EPHA5: variants seen among roughly 807,000 people sequenced by gnomAD.
The protein encoded by EPHA5 is EPH receptor A5.
EPHA5 carries 60 observed loss-of-function variants against 105.0 expected under a neutral mutation model. That is an observed-to-expected ratio of 0.57 (90% CI 0.46 to 0.71). The LOEUF (loss-of-function observed/expected upper bound fraction) is 0.71. EPHA5 is among the 30% of genes least tolerant of loss of function. EPHA5 has a pLI of 0.00. For synonymous variants in EPHA5, 513 were observed against 449.1 expected, an observed-to-expected ratio of 1.14 and a Z score of -1.80; for missense variants, 1,218 against 1,274.7, an observed-to-expected ratio of 0.96 and a Z score of 0.68.
chr4:65,336,163 CA>C (rs755406272), intron 14 of EPHA5, 38 bp from the exon 15 acceptor site: 1 of 1,526,422 alleles, frequency 6.6e-7, no homozygotes, highest in South Asian at 1.2e-5. Context: ...CCCAACACCA[CA>C]AATTTAGTAT....
chr4:65,487,208 T>C (rs1363613208), intron 5 of EPHA5, among the ~76,000 whole-genome samples: 1 of 152,128 alleles, frequency 6.6e-6, no homozygotes, highest in Non-Finnish European at 1.5e-5. Flanking sequence ...ATACAAACAG[T>C]GAGAAAATTA....
At chr4:65,351,246 A>G in intron 13 of EPHA5, 143 bp downstream of exon 13, 2 of 690,788 alleles carry the variant, frequency 2.9e-6, no homozygotes, top group Non-Finnish European at 4.6e-6. Context: ...TTGACTTTTG[A>G]TTTTCTCTCT....
intron 3 of EPHA5, among the ~76,000 whole-genome samples, chr4:65,545,852 A>G (rs1327525514): frequency 6.6e-6 from 1 of 151,952 alleles, no homozygotes; most frequent in Non-Finnish European, 1.5e-5. Flanking sequence ...TCAGCAGTCC[A>G]ATGATGGTTG....
intron 5 of EPHA5, among the ~76,000 whole-genome samples, chr4:65,421,546 T>C (rs1414452223): frequency 1.3e-5 from 2 of 152,138 alleles, no homozygotes; most frequent in Non-Finnish European, 2.9e-5. Flanking sequence ...ACTACATATG[T>C]TTCATAACAC....
chr4:65,457,159 G>A (rs1025455961), intron 5 of EPHA5, among the ~76,000 whole-genome samples: 1 of 152,124 alleles, frequency 6.6e-6, no homozygotes, highest in African/African-American at 2.4e-5. Context: ...AAGAATGAGT[G>A]GGAGAAAAGG....
chr4:65,354,578 G>C (rs1723123821), intron 11 of EPHA5, among the ~76,000 whole-genome samples: 1 of 151,582 alleles, frequency 6.6e-6, no homozygotes, highest in African/African-American at 2.4e-5. Context: ...TTTATGAAGA[G>C]AAACAAATAC....
chr4:65,484,582 A>G (rs981657752), intron 5 of EPHA5, among the ~76,000 whole-genome samples: 2 of 152,184 alleles, frequency 1.3e-5, no homozygotes, highest in Non-Finnish European at 2.9e-5. Flanking sequence ...GCCTACATTC[A>G]AAACAATTAA....
chr4:65,379,276 T>TACAA (rs1553903768), intron 8 of EPHA5, among the ~76,000 whole-genome samples: 11 of 149,908 alleles, frequency 7.3e-5, no homozygotes, highest in African/African-American at 2.7e-4. Flanking sequence ...AGTATGCACA[T>TACAA]ACACACACAC....
At chr4:65,615,329 C>A (rs185940223) in intron 2 of EPHA5, among the ~76,000 whole-genome samples, 6 of 151,792 alleles carry the variant, frequency 4.0e-5, no homozygotes, top group South Asian at 4.1e-4. Context: ...GGGGTACATA[C>A]AAAAGTTCAT....
At chr4:65,651,034 C>A (rs1054552358) in intron 1 of EPHA5, among the ~76,000 whole-genome samples, 1 of 152,114 alleles carries the variant, frequency 6.6e-6, no homozygotes, top group East Asian at 1.9e-4. Flanking sequence ...TGATTCAGTT[C>A]TCTCCAGTGA....
At chr4:65,664,235 C>T (rs953435900) in intron 1 of EPHA5, among the ~76,000 whole-genome samples, 4 of 151,736 alleles carry the variant, frequency 2.6e-5, no homozygotes, top group Non-Finnish European at 5.9e-5. Flanking sequence ...TCAATGGCAC[C>T]AATTATTTAG....
At chr4:65,469,189 T>A (rs920494223) in intron 5 of EPHA5, among the ~76,000 whole-genome samples, 3 of 152,128 alleles carry the variant, frequency 2.0e-5, no homozygotes, top group Admixed American at 2.0e-4. Flanking sequence ...GAAGGTCAAG[T>A]TCTGCAAATT....
At chr4:65,541,650 T>C (rs1300680150) in intron 3 of EPHA5, among the ~76,000 whole-genome samples, 1 of 151,940 alleles carries the variant, frequency 6.6e-6, no homozygotes, top group African/African-American at 2.4e-5. Flanking sequence ...ATGATAACAG[T>C]GGGAGAATCT....
chr4:65,563,479 G>T (rs1739226587), intron 3 of EPHA5, among the ~76,000 whole-genome samples: 2 of 151,958 alleles, frequency 1.3e-5, no homozygotes, highest in Non-Finnish European at 2.9e-5. Context: ...TAAAAGAGCA[G>T]GTAACAAGAA....
intron 8 of EPHA5, among the ~76,000 whole-genome samples, chr4:65,396,720 A>G (rs1456315864): frequency 6.6e-6 from 1 of 152,204 alleles, no homozygotes; most frequent in African/African-American, 2.4e-5. Context: ...CTGGAAAGGC[A>G]AAGAGGGGCC....
At chr4:65,401,426 T>C (rs1278407146) in intron 8 of EPHA5, among the ~76,000 whole-genome samples, 1 of 152,108 alleles carries the variant, frequency 6.6e-6, no homozygotes, top group Non-Finnish European at 1.5e-5. Context: ...TAAAGTAGTT[T>C]GTCCATGAAG....
intron 5 of EPHA5, among the ~76,000 whole-genome samples, chr4:65,429,846 T>C (rs1272228931): frequency 6.6e-6 from 1 of 151,982 alleles, no homozygotes; most frequent in Non-Finnish European, 1.5e-5. Context: ...CACAAAAAAA[T>C]AAACTTTATG....
chr4:65,384,810 T>C (rs1719921832), intron 8 of EPHA5, among the ~76,000 whole-genome samples: 1 of 151,936 alleles, frequency 6.6e-6, no homozygotes, highest in Non-Finnish European at 1.5e-5. Flanking sequence ...TCCAGCATAA[T>C]AATAGTGTTG....
chr4:65,362,953 T>C (rs1717476597), intron 11 of EPHA5, among the ~76,000 whole-genome samples: 1 of 151,690 alleles, frequency 6.6e-6, no homozygotes, highest in Admixed American at 6.6e-5. Context: ...AGAAACGTTT[T>C]AGACTTCAAA....
Sources: allele counts gnomAD v4.1 joint callset (sites outside exome capture counted in the v4.1 genomes callset), GRCh38; gene constraint gnomAD v4.1.1; transcripts MANE v1.5; gene names NCBI Gene and HGNC (gene_info 2026-07-23, HGNC 2026-07-21).